Variants in GARNL3 observed in about 807,000 individuals in gnomAD.
GARNL3 encodes GTPase activating Rap/RanGAP domain like 3.
GARNL3 carries 63 observed loss-of-function variants against 125.0 expected under a neutral mutation model. The ratio of observed to expected loss-of-function variants is 0.50; its 90% CI spans 0.41 to 0.62. GARNL3 has a LOEUF of 0.62. Among genes scored for constraint, GARNL3 ranks in the 20% least tolerant of loss-of-function variants. The pLI, the probability that GARNL3 is intolerant of heterozygous loss-of-function variation, is 0.00. For missense variants in GARNL3, 994 were observed against 1,244.0 expected (o/e 0.80, Z 3.02); for synonymous variants, 439 against 457.5 (o/e 0.96, Z 0.52).
intron 1 of GARNL3, among the ~76,000 whole-genome samples, chr9:127,281,722 T>G (rs183877458): frequency 2.0e-3 from 298 of 152,376 alleles, no homozygotes; most frequent in Middle Eastern, 0.017. Context: ...CACTCAGCAG[T>G]GAGGGGATGG....
At chr9:127,368,330 CTTTTT>C (rs113907432) in intron 22 of GARNL3, among the ~76,000 whole-genome samples, 1 of 128,970 alleles carries the variant, frequency 7.8e-6, no homozygotes, top group Non-Finnish European at 1.6e-5. Flanking sequence ...AAATACATTT[CTTTTT>C]TTTTTTTTTT....
At chr9:127,336,278 G>T (rs200005503) in intron 11 of GARNL3, 42 bp downstream of exon 11, 2 of 1,408,260 alleles carry the variant, frequency 1.4e-6, no homozygotes, top group Non-Finnish European at 2.0e-6. Context: ...GGCAAGCTGT[G>T]GTTCAGCCTC....
At chr9:127,263,633 T>C, upstream of GARNL3, 1 of 995,842 alleles carries the variant, frequency 1.0e-6, no homozygotes, top group Non-Finnish European at 1.2e-6. Flanking sequence ...TTATTCTTTT[T>C]TGGAGATTTT....
intron 7 of GARNL3, among the ~76,000 whole-genome samples, chr9:127,328,057 G>A (rs1234173801): frequency 6.6e-5 from 10 of 152,194 alleles, no homozygotes; most frequent in African/African-American, 2.2e-4. Flanking sequence ...GATGGGAAAT[G>A]TGAACACTTA....
At chr9:127,351,306 G>A (rs1377981417) in intron 17 of GARNL3, among the ~76,000 whole-genome samples, 2 of 152,280 alleles carry the variant, frequency 1.3e-5, no homozygotes, top group East Asian at 3.9e-4. Context: ...AATGTCAGAT[G>A]TAAGGAGTAT....
At chr9:127,380,139 G>T (rs1832164719) in intron 22 of GARNL3, among the ~76,000 whole-genome samples, 1 of 151,962 alleles carries the variant, frequency 6.6e-6, no homozygotes, top group South Asian at 2.1e-4. Context: ...GTTGCAGTGA[G>T]CCAAAATCGC....
In GARNL3 at chr9:127,320,745, C is replaced by A. The variant is rs772103001; in HGVS notation, c.534C>A (p.Gly178=). The change falls in exon 6 of 28, where the codon GGC becomes GGA. Residue 178 remains glycine (G), a synonymous_variant. Coordinates refer to ENST00000373387, the MANE Select transcript of GARNL3 (RefSeq NM_032293.5). The stretch of plus-strand genomic sequence containing the variant: ...TGAATCTGGACAAATTTGAGAAAGG[C>A]CCCAGGGAAATTTTTCATCCTGAAA... ...SAMNLDKFEK[G]PREIFHPEIQ... 1.2e-6 allele frequency: 2 copies of A among 1,611,934 alleles called. No homozygotes were observed. Among genetic ancestry groups the A allele is most frequent in the Non-Finnish European group, 1.7e-6 (2 of 1,178,196 alleles).
At chr9:127,246,011 G>C (rs2063297203) in intron 2 of GARNL3, among the ~76,000 whole-genome samples, 1 of 152,122 alleles carries the variant, frequency 6.6e-6, no homozygotes, top group Non-Finnish European at 1.5e-5. Context: ...CAATGAAGTT[G>C]ACCAAGCACC....
intron 17 of GARNL3, chr9:127,353,564 T>C: frequency 3.4e-6 from 1 of 294,508 alleles, no homozygotes; most frequent in Non-Finnish European, 6.3e-6. Context: ...TGCTTTTTCT[T>C]TGATGAACAA....
intron 1 of GARNL3, among the ~76,000 whole-genome samples, chr9:127,270,101 A>G (rs1434776379): frequency 6.6e-6 from 1 of 151,936 alleles, no homozygotes; most frequent in Non-Finnish European, 1.5e-5. Flanking sequence ...CATTTTTTCT[A>G]TATGGTGTGA....
Position 127,348,993 on chromosome 9 carries a change from G to A in GARNL3, c.1501G>A (p.Ala501Thr), listed in dbSNP as rs764357768. Residue 501 changes from alanine to threonine, a missense_variant, in exon 17 of 28, where the codon GCC becomes ACC. Ala to Thr is a moderately conservative substitution (Grantham distance 58). Around this residue, in one of 5 missense-constraint regions of GARNL3, gnomAD observed 728 missense variants for 865.7 expected, o/e 0.84. Coordinates refer to ENST00000373387, the MANE Select transcript of GARNL3 (RefSeq NM_032293.5). The stretch of plus-strand genomic sequence containing the variant: ...CGTGTGTGCAGATCCCTGGGGCCAG[G>A]CCTTGCTGGTTTCCACTGATGCTGG... Reference protein sequence around the residue: ...EAVCADPWGQALLVSTDAGVL... With the variant: ...EAVCADPWGQTLLVSTDAGVL... 4.3e-6 allele frequency: 7 copies of A among 1,613,898 alleles called. No homozygotes were observed. The highest frequency in any genetic ancestry group is 5.9e-6 in the Non-Finnish European group (7 of 1,179,968).
chr9:127,367,742 A>C (rs984431209), intron 22 of GARNL3, among the ~76,000 whole-genome samples: 2 of 152,192 alleles, frequency 1.3e-5, no homozygotes, highest in African/African-American at 4.8e-5. Context: ...AAAGATAATC[A>C]TGCCAGGAAA....
Position 127,298,789 on chromosome 9 carries a change from A to G in GARNL3, c.219+7547A>G, listed in dbSNP as rs374329136. 1.9e-4 allele frequency among the ~76,000 whole-genome samples: 29 copies of G among 152,312 alleles called. No individual in the cohort carries two copies. In the South Asian group the frequency reaches 5.6e-3, roughly 29 times the overall value. On this transcript the variant is annotated intron_variant, in intron 2 of 27. Coordinates refer to ENST00000373387, the MANE Select transcript of GARNL3 (RefSeq NM_032293.5). ...AAAAAAGTCCTACCGACAGTATGTT[A>G]TTATGCCTCCAGAGTCGACTTGCTA... is the stretch of plus-strand genomic sequence containing the variant.
rs2063700204 is a variant in GARNL3 at position 127,266,111 on chromosome 9, C to T, written c.144+1090C>T. ...TTCAGTCAACACCTGTTCTGTCTGT[C>T]ACTGGTGACACCACACCACTTAGAC... is the stretch of plus-strand genomic sequence containing the variant. On this transcript the variant is annotated intron_variant, in intron 1 of 27. Coordinates refer to ENST00000373387, the MANE Select transcript of GARNL3 (RefSeq NM_032293.5). This position sits in a 1 kb window ranked among gnomAD's most constrained non-coding sequence, Gnocchi z 4.0. Among the ~76,000 whole-genome samples the T allele has an allele frequency of 6.6e-6, 1 of 152,204 alleles. No individual in the cohort carries two copies. The highest frequency in any genetic ancestry group is 1.5e-5 in the Non-Finnish European group (1 of 68,040).
chr9:127,238,079 C>T (rs903281984), intron 1 of GARNL3, among the ~76,000 whole-genome samples: 10 of 152,196 alleles, frequency 6.6e-5, no homozygotes, highest in African/African-American at 1.7e-4. Context: ...CATGTTCTCC[C>T]TATGCCAGAC....
chr9:127,244,911 A>T (rs2063269402), intron 2 of GARNL3, among the ~76,000 whole-genome samples: 1 of 152,236 alleles, frequency 6.6e-6, no homozygotes, highest in Non-Finnish European at 1.5e-5. Context: ...TGGGAATTTC[A>T]AATTTCAGGC....
intron 2 of GARNL3, among the ~76,000 whole-genome samples, chr9:127,307,189 C>G (rs993743927): frequency 6.6e-6 from 1 of 152,182 alleles, no homozygotes; most frequent in Non-Finnish European, 1.5e-5. Flanking sequence ...ATGCCCCGCT[C>G]TCTGTGCTGA....
rs142999082 is a variant in GARNL3 at position 127,252,189 on chromosome 9, C to G, written c.143+8940C>G. On this transcript the variant is annotated intron_variant, in intron 2 of 10. Transcript: ENST00000439286. ...TAAAATTAAACATAACACTTGTATACTTTTTCTCTTGTCAATTTGTCTTTT... is the reference window on the plus strand; with the variant it reads ...TAAAATTAAACATAACACTTGTATAGTTTTTCTCTTGTCAATTTGTCTTTT... Among the ~76,000 whole-genome samples, 216 of 152,218 alleles carry G rather than the reference C, an allele frequency of 1.4e-3. 5 individuals carry two copies. The East Asian group carries it at 0.039, about 27-fold the overall frequency.
chr9:127,345,519 T>C (rs1275641501), intron 16 of GARNL3, 42 bp downstream of exon 16: 2 of 1,243,908 alleles, frequency 1.6e-6, no homozygotes. Context: ...GAATTCCCCT[T>C]TTCCTTAATG....
Sources: gnomAD v4.1 joint callset for allele counts (sites outside exome capture counted in the v4.1 genomes callset) on GRCh38, gnomAD v4.1.1 for gene constraint, gnomAD v4.1.1 regional missense constraint, Gnocchi (gnomAD v3.1) non-coding constraint, MANE v1.5 for transcripts, NCBI Gene and HGNC (gene_info 2026-07-23, HGNC 2026-07-21) for gene names.